The following EFCAB6 variants were observed in gnomAD, a reference collection of about 807,000 sequenced individuals.
EFCAB6 encodes EF-hand calcium binding domain 6.
EFCAB6 carries 156 observed loss-of-function variants against 169.8 expected under a neutral mutation model. The ratio of observed to expected loss-of-function variants is 0.92; its 90% confidence interval spans 0.81 to 1.05. EFCAB6 has a LOEUF of 1.05. Among genes scored for constraint, EFCAB6 ranks in the 50% least tolerant of loss-of-function variants. The probability of loss-of-function intolerance (pLI) is 0.00; values close to 1 mark genes in which losing one functional copy is unlikely to be tolerated. For missense variants in EFCAB6, 1,800 were observed against 1,829.1 expected, an observed-to-expected ratio of 0.98 and a Z score of 0.29; for synonymous variants, 698 against 676.4, an observed-to-expected ratio of 1.03 and a Z score of -0.50.
chr22:43,530,727 A>C, intron 31 of EFCAB6, 88 bp downstream of exon 31: 1 of 1,576,818 alleles, frequency 6.3e-7, no homozygotes, highest in Non-Finnish European at 8.6e-7. Context: ...CTTCGGCAGC[A>C]GGTAGAGGGC....
intron 26 of EFCAB6, among the ~76,000 whole-genome samples, chr22:43,574,721 C>T (rs769198244): frequency 6.6e-6 from 1 of 151,594 alleles, no homozygotes; most frequent in Non-Finnish European, 1.5e-5. Flanking sequence ...CATGGACCAG[C>T]AGAAGGTATT....
At chr22:43,557,858 C>A (rs2048798694) in intron 26 of EFCAB6, among the ~76,000 whole-genome samples, 1 of 152,116 alleles carries the variant, frequency 6.6e-6, no homozygotes, top group South Asian at 2.1e-4. Flanking sequence ...CAAGAATTGG[C>A]AAATCTTTCA....
intron 4 of EFCAB6, among the ~76,000 whole-genome samples, chr22:43,769,793 T>G (rs1383130202): frequency 6.6e-6 from 1 of 151,732 alleles, no homozygotes; most frequent in Non-Finnish European, 1.5e-5. Context: ...ATGAGGGTGC[T>G]AGAGTGCATT....
At position 43,782,329 on chromosome 22, in the gene EFCAB6, T is replaced by C. The variant is rs1249684927; in HGVS notation, c.-7-4A>G. The stretch of plus-strand genomic sequence containing the variant: ...CGCCATTTTGCACATTAAATCCCTG[T>C]GATATAAAAGAAAACAGATTACGTT... On this transcript the variant is annotated splice_region_variant and splice_polypyrimidine_tract_variant and intron_variant, in intron 2 of 31. Coordinates refer to ENST00000262726, the MANE Select transcript of EFCAB6 (RefSeq NM_022785.4). 6.2e-7 allele frequency: 1 copy of C among 1,610,518 alleles called. No individual in the cohort carries two copies. Among genetic ancestry groups the C allele is most frequent in the East Asian group, 2.2e-5 (1 of 44,858 alleles).
chr22:43,585,467 CAA>C (rs2051001556), intron 24 of EFCAB6, among the ~76,000 whole-genome samples: 2 of 151,944 alleles, frequency 1.3e-5, no homozygotes, highest in Non-Finnish European at 2.9e-5. Context: ...ACAAGATATC[CAA>C]AGACTGGGAA....
chr22:43,797,890 T>G (rs2062569020), intron 2 of EFCAB6, among the ~76,000 whole-genome samples: 1 of 152,162 alleles, frequency 6.6e-6, no homozygotes, highest in Non-Finnish European at 1.5e-5. Context: ...AGCAAGAGAT[T>G]TTTTCTCTTC....
chr22:43,791,617 T>A (rs2062292843), intron 2 of EFCAB6, among the ~76,000 whole-genome samples: 1 of 150,596 alleles, frequency 6.6e-6, no homozygotes, highest in Non-Finnish European at 1.5e-5. Flanking sequence ...TGATGGTGAG[T>A]GTCAAATGCC....
chr22:43,575,100 T>C (rs867905458), intron 26 of EFCAB6, among the ~76,000 whole-genome samples: 1 of 152,244 alleles, frequency 6.6e-6, no homozygotes, highest in African/African-American at 2.4e-5. Flanking sequence ...ACAACCTGCA[T>C]GTTCATTAAC....
At chr22:43,640,916 C>A (rs910994585) in intron 17 of EFCAB6, among the ~76,000 whole-genome samples, 3 of 152,168 alleles carry the variant, frequency 2.0e-5, no homozygotes, top group African/African-American at 7.2e-5. Context: ...CAAGCACATC[C>A]TTAAGATACA....
chr22:43,591,111 G>GTTTTTTTTTTTTGTTTTTTT (rs2051496300), intron 23 of EFCAB6, among the ~76,000 whole-genome samples: 1 of 131,076 alleles, frequency 7.6e-6, no homozygotes, highest in Non-Finnish European at 1.7e-5. Context: ...TTTGTTTTTT[G>GTTTTTTTTTTTTGTTTTTTT]TTTTTTTTTT....
At chr22:43,740,679 T>A (rs1211552912) in intron 6 of EFCAB6, among the ~76,000 whole-genome samples, 1 of 152,028 alleles carries the variant, frequency 6.6e-6, no homozygotes, top group African/African-American at 2.4e-5. Context: ...TATCCAAAAC[T>A]GGGAATACTG....
chr22:43,710,037 C>A (rs1205139524), intron 10 of EFCAB6, among the ~76,000 whole-genome samples: 1 of 152,218 alleles, frequency 6.6e-6, no homozygotes, highest in Non-Finnish European at 1.5e-5. Flanking sequence ...AGGCACCTAT[C>A]AATTACCCAC....
At chr22:43,578,963 C>T (rs1233135086) in intron 25 of EFCAB6, among the ~76,000 whole-genome samples, 1 of 150,322 alleles carries the variant, frequency 6.7e-6, no homozygotes, top group African/African-American at 2.5e-5. Flanking sequence ...TCATTCCATA[C>T]ACATAGGCAT....
chr22:43,750,379 T>A (rs1387874698), intron 6 of EFCAB6, among the ~76,000 whole-genome samples: 1 of 152,224 alleles, frequency 6.6e-6, no homozygotes, highest in East Asian at 1.9e-4. Context: ...GTGACATTAT[T>A]AATCACTATA....
Position 43,731,717 on chromosome 22 carries a change from A to G in EFCAB6, c.739T>C (p.Tyr247His), listed in dbSNP as rs745732398. The change falls in exon 8 of 32, where the codon TAT becomes CAT. Residue 247 changes from tyrosine to histidine, a missense_variant. Tyr to His is a moderately conservative substitution (Grantham distance 83). Coordinates refer to ENST00000262726, the MANE Select transcript of EFCAB6 (RefSeq NM_022785.4). ...TACTTACCTTGATTTCCCATACAAT[A>G]TCTAAGGTTCAAGTCGTTATTTATG... ...LSINNDLNLR[Y>H]CMGNQEVSLE... 22 of 1,592,158 alleles carry G rather than the reference A, an allele frequency of 1.4e-5. No individual in the cohort carries two copies. The South Asian group carries it at 2.4e-4, about 18-fold the overall frequency.
intron 26 of EFCAB6, among the ~76,000 whole-genome samples, chr22:43,574,985 G>C (rs867935362): frequency 6.6e-6 from 1 of 152,098 alleles, no homozygotes; most frequent in Non-Finnish European, 1.5e-5. Flanking sequence ...ACATGGACCC[G>C]CCCTCCCATC....
At chr22:43,619,341 A>G (rs2147765715) in intron 20 of EFCAB6, among the ~76,000 whole-genome samples, 1 of 152,350 alleles carries the variant, frequency 6.6e-6, no homozygotes, top group Admixed American at 6.5e-5. Flanking sequence ...ATAATGACCA[A>G]AAACAATCAA....
At chr22:43,557,147 ACT>A (rs1484228286) in intron 26 of EFCAB6, among the ~76,000 whole-genome samples, 4 of 151,960 alleles carry the variant, frequency 2.6e-5, no homozygotes, top group African/African-American at 9.7e-5. Flanking sequence ...CTGAGTCTAG[ACT>A]CTGCCCCTAC....
chr22:43,751,730 A>G (rs1253690783), intron 6 of EFCAB6, among the ~76,000 whole-genome samples: 1 of 152,258 alleles, frequency 6.6e-6, no homozygotes, highest in Non-Finnish European at 1.5e-5. Context: ...TGATGAACAG[A>G]AAGACTTCTC....
Sources: allele counts gnomAD v4.1 joint callset (sites outside exome capture counted in the v4.1 genomes callset), GRCh38; gene constraint gnomAD v4.1.1; transcripts MANE v1.5; gene names NCBI Gene and HGNC (gene_info 2026-07-23, HGNC 2026-07-21).